TMTC2: variants seen among roughly 807,000 people sequenced by gnomAD.
TMTC2 encodes the protein protein O-mannosyl-transferase TMTC2.
A neutral mutation model predicts 82.4 loss-of-function variants in TMTC2; 43 were observed. The observed-to-expected ratio is 0.52, with a 90% CI of 0.41 to 0.67. The LOEUF (loss-of-function observed/expected upper bound fraction) is 0.67, where lower values mean the gene tolerates loss of function less well. TMTC2 is among the 30% of genes least tolerant of loss of function. TMTC2 has a pLI of 0.00. For missense variants in TMTC2, 919 were observed against 1,012.4 expected (o/e 0.91, Z 1.25); for synonymous variants, 408 against 381.9 (o/e 1.07, Z -0.80).
intron 11 of TMTC2, among the ~76,000 whole-genome samples, chr12:83,115,175 CCTT>C (rs1227790021): frequency 6.6e-6 from 1 of 152,072 alleles, no homozygotes; most frequent in African/African-American, 2.4e-5. Context: ...AGCTGGAAAT[CCTT>C]CTGTGTAATA....
chr12:82,834,840 T>TAACATAATTTATA (rs1869939646), intron 1 of TMTC2, among the ~76,000 whole-genome samples: 1 of 152,158 alleles, frequency 6.6e-6, no homozygotes, highest in Non-Finnish European at 1.5e-5. Flanking sequence ...TTATAAATTA[T>TAACATAATTTATA]GTCACATAAG....
chr12:82,935,673 T>C (rs754868726), intron 4 of TMTC2, among the ~76,000 whole-genome samples: 1 of 152,166 alleles, frequency 6.6e-6, no homozygotes, highest in Admixed American at 6.5e-5. Flanking sequence ...AAAAAGGTAA[T>C]TCAATAGAGC....
chr12:82,920,913 G>A (rs1275742120), intron 3 of TMTC2, among the ~76,000 whole-genome samples: 4 of 152,078 alleles, frequency 2.6e-5, no homozygotes, highest in Middle Eastern at 3.2e-3. Context: ...ATTTGTTTAC[G>A]TAGGCAGGAT....
At chr12:82,800,899 G>A (rs986809930) in intron 1 of TMTC2, among the ~76,000 whole-genome samples, 9 of 152,130 alleles carry the variant, frequency 5.9e-5, no homozygotes, top group African/African-American at 2.2e-4. Flanking sequence ...ACAACAAAGA[G>A]GGGGTTAAAT....
chr12:83,019,437 C>T (rs1250732155), intron 8 of TMTC2, among the ~76,000 whole-genome samples: 1 of 152,126 alleles, frequency 6.6e-6, no homozygotes, highest in Admixed American at 6.5e-5. Context: ...GGATGTTTTT[C>T]AGCATTAGAC....
chr12:82,899,320 G>T (rs1316597802), intron 3 of TMTC2, among the ~76,000 whole-genome samples: 1 of 151,746 alleles, frequency 6.6e-6, no homozygotes, highest in Non-Finnish European at 1.5e-5. Flanking sequence ...CTCTGGCCGA[G>T]AATTCTGAAG....
chr12:82,977,317 T>G (rs1016705191), intron 7 of TMTC2, among the ~76,000 whole-genome samples: 8 of 151,938 alleles, frequency 5.3e-5, no homozygotes, highest in Non-Finnish European at 7.4e-5. Context: ...ATAATAAAGT[T>G]TAAGACTTGT....
intron 1 of TMTC2, among the ~76,000 whole-genome samples, chr12:82,782,960 A>T (rs968362102): frequency 6.6e-6 from 1 of 152,152 alleles, no homozygotes; most frequent in African/African-American, 2.4e-5. Context: ...TTAGTCTTTC[A>T]TGGGTATAAT....
chr12:82,973,529 T>C (rs1203908855), intron 7 of TMTC2, among the ~76,000 whole-genome samples: 1 of 152,190 alleles, frequency 6.6e-6, no homozygotes, highest in African/African-American at 2.4e-5. Context: ...AGCAAAAAAC[T>C]ATAATTTTTT....
intron 4 of TMTC2, among the ~76,000 whole-genome samples, chr12:82,944,563 T>C (rs1477304899): frequency 2.6e-3 from 64 of 24,346 alleles, no homozygotes; most frequent in African/African-American, 7.9e-3. Context: ...GGTGACAGTC[T>C]CAAAAAAAAA....
In TMTC2 at chr12:82,965,692, C is replaced by G. The variant is rs1878168320; in HGVS notation, c.1817C>G (p.Thr606Ser). 1.2e-6 allele frequency: 2 copies of G among 1,613,752 alleles called. No individual in the cohort carries two copies. The highest frequency in any genetic ancestry group is 1.7e-6 in the Non-Finnish European group (2 of 1,179,838). ...CCTCATGCACACAAGAGCTCTGTTA[C>G]CAGTTGTTTGTACAACCTAGGAAAG... is the stretch of plus-strand genomic sequence containing the variant. ...KDPHAHKSSVTSCLYNLGKLY... is the reference protein window; with the variant it reads ...KDPHAHKSSVSSCLYNLGKLY... Residue 606 changes from threonine (T) to serine (S), a missense_variant, in exon 6 of 12, where the codon ACC becomes AGC. Transcript: ENST00000321196.
chr12:82,800,290 C>T (rs1878929966), intron 1 of TMTC2, among the ~76,000 whole-genome samples: 2 of 152,134 alleles, frequency 1.3e-5, no homozygotes, highest in African/African-American at 4.8e-5. Flanking sequence ...CCTGCTGCCT[C>T]TTGCAGATAT....
chr12:82,997,352 A>ATATATATATGTG (rs1879686669), intron 8 of TMTC2, among the ~76,000 whole-genome samples: 1 of 21,464 alleles, frequency 4.7e-5, no homozygotes, highest in Non-Finnish European at 1.0e-4. Context: ...GTGTGTGTAT[A>ATATATATATGTG]TATATATATA....
In TMTC2 at chr12:83,032,285, A is replaced by ATATATATATATG. The variant is rs1555206990; in HGVS notation, c.2152+1416_2152+1417insTGTATATATATA. Among the ~76,000 whole-genome samples, 9 of 85,658 alleles carry ATATATATATATG rather than the reference A, an allele frequency of 1.1e-4. No homozygotes were observed. In the East Asian group the frequency reaches 2.1e-3, roughly 20 times the overall value. The allele number at this position is 85,658 out of a possible 152,430, so 56.2% of individuals were successfully genotyped here. A position where few individuals can be genotyped will look rare whatever the true frequency, so the allele number is the denominator to read the frequency against. ...TATATATATATATATATATATATATATATATATATAGGTTTGTCACAATCC... is the reference window on the plus strand; with the variant it reads ...TATATATATATATATATATATATATATATATATATATGTATATATATAGGTTTGTCACAATCC... On this transcript the variant is annotated intron_variant, in intron 9 of 11. Coordinates refer to ENST00000321196, the MANE Select transcript of TMTC2 (RefSeq NM_152588.3).
intron 1 of TMTC2, among the ~76,000 whole-genome samples, chr12:82,732,633 G>T (rs1311373976): frequency 6.6e-6 from 1 of 152,124 alleles, no homozygotes; most frequent in Non-Finnish European, 1.5e-5. Flanking sequence ...ATGAGCCACC[G>T]CACACAGCTG....
chr12:83,085,981 C>T (rs1883640456), intron 11 of TMTC2, among the ~76,000 whole-genome samples: 1 of 152,088 alleles, frequency 6.6e-6, no homozygotes, highest in East Asian at 1.9e-4. Context: ...AAGTGATTCT[C>T]AACCTTGGCT....
chr12:83,020,275 G>T (rs551240347), intron 8 of TMTC2, among the ~76,000 whole-genome samples: 2 of 152,134 alleles, frequency 1.3e-5, no homozygotes, highest in African/African-American at 2.4e-5. Context: ...TGGGCACATG[G>T]TAGGTGCCCA....
chr12:82,844,956 G>T (rs145288666), intron 1 of TMTC2, among the ~76,000 whole-genome samples: 1 of 150,352 alleles, frequency 6.7e-6, no homozygotes, highest in Admixed American at 6.6e-5. Flanking sequence ...GGCCGGGTGC[G>T]GTGGCTCACA....
At chr12:83,076,730 A>G (rs996938764) in intron 11 of TMTC2, among the ~76,000 whole-genome samples, 13 of 152,224 alleles carry the variant, frequency 8.5e-5, no homozygotes, top group African/African-American at 3.1e-4. Flanking sequence ...ATACACTGAA[A>G]CATTAAACTA....
Sources: allele counts gnomAD v4.1 joint callset (sites outside exome capture counted in the v4.1 genomes callset), GRCh38; gene constraint gnomAD v4.1.1; transcripts MANE v1.5; gene names NCBI Gene and HGNC (gene_info 2026-07-23, HGNC 2026-07-21).